Variants in HERC2 observed in about 807,000 individuals in gnomAD.
The protein encoded by HERC2 is HECT and RLD domain containing E3 ubiquitin protein ligase 2, also known as E3 ubiquitin-protein ligase HERC2.
A neutral mutation model predicts 537.7 loss-of-function variants in HERC2; 102 were observed. That is an observed-to-expected ratio of 0.19 (90% CI 0.16 to 0.22). HERC2 has a LOEUF of 0.22. Ranked by LOEUF, HERC2 falls within the 10% of genes least tolerant of loss-of-function variation. The pLI is 1.00. For missense variants in HERC2, 4,236 were observed against 6,198.2 expected, an observed-to-expected ratio of 0.68 and a Z score of 10.63; for synonymous variants, 2,224 against 2,466.2, an observed-to-expected ratio of 0.90 and a Z score of 2.91.
At chr15:28,138,158 T>C (rs1207379154) in intron 78 of HERC2, among the ~76,000 whole-genome samples, 2 of 152,216 alleles carry the variant, frequency 1.3e-5, no homozygotes, top group African/African-American at 2.4e-5. Context: ...AAAGACGCCG[T>C]CTTCATAACA....
intron 83 of HERC2, among the ~76,000 whole-genome samples, chr15:28,126,986 A>T (rs1889564912): frequency 1.3e-5 from 2 of 152,330 alleles, no homozygotes; most frequent in African/African-American, 2.4e-5. Flanking sequence ...GACCTCAACC[A>T]AGAAATACCA....
intron 52 of HERC2, among the ~76,000 whole-genome samples, chr15:28,193,125 A>G (rs994593766): frequency 3.3e-5 from 5 of 152,204 alleles, no homozygotes; most frequent in Non-Finnish European, 4.4e-5. Context: ...TACAATGTCC[A>G]GTACATAATG....
chr15:28,246,592 A>T, intron 22 of HERC2, 150 bp downstream of exon 22: 1 of 577,830 alleles, frequency 1.7e-6, no homozygotes, highest in Non-Finnish European at 2.9e-6. Flanking sequence ...CAGAACTGTC[A>T]GTAACTAAAA....
rs370398827 is a variant in HERC2, at chr15:28,133,495, G to A, written c.12231-665C>T. Among the ~76,000 whole-genome samples the A allele has an allele frequency of 1.2e-4, 19 of 152,184 alleles. 1 individual carries two copies. Among genetic ancestry groups the A allele is most frequent in the Admixed American group, 8.5e-4 (13 of 15,290 alleles). On this transcript the variant is annotated intron_variant, in intron 79 of 92. Transcript: ENST00000261609. ...TTCTTTCATGAATCATGCTTTTGGA[G>A]TTCAATCTAAAAATCTTTTCTGACC...
At chr15:28,204,875 A>C (rs936197883) in intron 45 of HERC2, among the ~76,000 whole-genome samples, 5 of 152,248 alleles carry the variant, frequency 3.3e-5, no homozygotes, top group East Asian at 1.9e-4. Context: ...ACTCACTAAC[A>C]GTGTAACAGA....
intron 2 of HERC2, among the ~76,000 whole-genome samples, chr15:28,306,343 C>T (rs562493920): frequency 1.3e-5 from 2 of 152,108 alleles, no homozygotes; most frequent in East Asian, 1.9e-4. Flanking sequence ...GTTTTTTATC[C>T]TTCATTCTAT....
rs199523105 is a variant in HERC2, at chr15:28,144,769, T to C, written c.11044A>G (p.Ile3682Val). 1.4e-5 allele frequency: 22 copies of C among 1,614,232 alleles called. No homozygotes were observed. Among genetic ancestry groups the C allele is most frequent in the East Asian group, 4.5e-5 (2 of 44,882 alleles). ...EWSDWSSELR[I>V]PGDELKWKFI... ...TTCCACTTTAACTCATCCCCTGGGA[T>C]GCGCAGCTCGCTGGACCAGTCGGAC... Residue 3682 changes from isoleucine to valine, a missense_variant, in exon 72 of 93, where the codon ATC (isoleucine) becomes GTC (valine). Physicochemically the swap from Ile to Val is conservative, Grantham distance 29 (BLOSUM62 3). Around this residue, in one of 27 missense-constraint regions of HERC2, gnomAD observed 356 missense variants for 450.9 expected, o/e 0.79. Transcript: ENST00000261609.
In HERC2 at chr15:28,142,145, T is replaced by C. The variant is rs1306923854; in HGVS notation, c.11700+93A>G. 2.8e-6 allele frequency: 4 copies of C among 1,444,538 alleles called. No individual in the cohort carries two copies. In the Admixed American group the frequency reaches 6.8e-5, roughly 25 times the overall value. 89.5% of individuals were successfully genotyped at this position (1,444,538 alleles called of 1,614,324 possible). A position where few individuals can be genotyped will look rare whatever the true frequency, so the allele number is the denominator to read the frequency against. ...CTTTGATATTCCTTGGCAAGCGAAA[T>C]TTTTCTGTGTCTCGTAATATTGGCA... On this transcript the variant is annotated intron_variant, in intron 76 of 92. Transcript: ENST00000261609.
At chr15:28,310,775 G>A (rs1356766055) in intron 2 of HERC2, among the ~76,000 whole-genome samples, 12 of 152,172 alleles carry the variant, frequency 7.9e-5, no homozygotes, top group Admixed American at 2.6e-4. Context: ...AACAGAGAAG[G>A]TGAACTAAGA....
chr15:28,265,763 C>G lies in HERC2; in HGVS notation c.1757-32G>C. ...ACAGATAGGACGGCGGTTACTAAGT[C>G]CTGTAAGAGGCCACCTCCTGCTGCA... is the stretch of plus-strand genomic sequence containing the variant. On this transcript the variant is annotated intron_variant, in intron 13 of 92. Transcript: ENST00000261609. The surrounding 1 kb of genome is among the most constrained non-coding windows in gnomAD (Gnocchi z 4.0). 1 of 1,614,078 alleles carries G rather than the reference C, an allele frequency of 6.2e-7. No individual in the cohort carries two copies.
intron 14 of HERC2, among the ~76,000 whole-genome samples, chr15:28,263,792 G>A (rs1033049958): frequency 6.6e-6 from 1 of 151,978 alleles, no homozygotes; most frequent in Non-Finnish European, 1.5e-5. Flanking sequence ...AGAACTTTGG[G>A]AGGCCAAGGC....
intron 2 of HERC2, among the ~76,000 whole-genome samples, chr15:28,306,341 T>A (rs866949462): frequency 1.3e-5 from 2 of 152,312 alleles, no homozygotes; most frequent in African/African-American, 4.8e-5. Context: ...TGGTTTTTTA[T>A]CCTTCATTCT....
intron 73 of HERC2, 34 bp downstream of exon 73, chr15:28,144,043 G>C: frequency 6.2e-7 from 1 of 1,614,152 alleles, no homozygotes; most frequent in South Asian, 1.1e-5. Context: ...CTTCCAAGCA[G>C]GAAGACAGAT....
At chr15:28,277,030 A>T (rs374173895) in intron 5 of HERC2, among the ~76,000 whole-genome samples, 3 of 152,170 alleles carry the variant, frequency 2.0e-5, no homozygotes, top group African/African-American at 7.2e-5. Context: ...AGCTATGATT[A>T]TATCACTGCA....
chr15:28,180,018 G>A (rs1447241748), intron 57 of HERC2, among the ~76,000 whole-genome samples: 1 of 152,112 alleles, frequency 6.6e-6, no homozygotes, highest in Non-Finnish European at 1.5e-5. Context: ...TGTTTCTAAA[G>A]TCTACAGTAA....
In HERC2 at chr15:28,144,062, A is replaced by G; in HGVS notation, c.11299+15T>C. ...CAAGCAGGAAGACAGATGTAACTGT[A>G]ATGGTGGCATTTACCTAGGGCACTC... On this transcript the variant is annotated intron_variant, in intron 73 of 92. Coordinates refer to ENST00000261609, the MANE Select transcript of HERC2 (RefSeq NM_004667.6). 6.2e-7 allele frequency: 1 copy of G among 1,614,144 alleles called. No individual in the cohort carries two copies.
intron 5 of HERC2, among the ~76,000 whole-genome samples, chr15:28,275,237 T>C (rs926018239): frequency 2.0e-5 from 3 of 152,228 alleles, no homozygotes; most frequent in Admixed American, 1.3e-4. Flanking sequence ...GAATTTTAAA[T>C]GTCTTGGGAA....
At chr15:28,308,858 A>G (rs1270949329) in intron 2 of HERC2, among the ~76,000 whole-genome samples, 1 of 152,234 alleles carries the variant, frequency 6.6e-6, no homozygotes, top group East Asian at 1.9e-4. Context: ...ATTGATTTGC[A>G]TATGTTGAAC....
intron 4 of HERC2, among the ~76,000 whole-genome samples, chr15:28,280,840 G>A (rs941976092): frequency 4.6e-5 from 7 of 152,054 alleles, no homozygotes; most frequent in Non-Finnish European, 1.5e-5. Flanking sequence ...AACCCAGGAG[G>A]AGGAGGTTGC....
Sources: gnomAD v4.1 joint callset for allele counts (sites outside exome capture counted in the v4.1 genomes callset) on GRCh38, gnomAD v4.1.1 for gene constraint, gnomAD v4.1.1 regional missense constraint, Gnocchi (gnomAD v3.1) non-coding constraint, MANE v1.5 for transcripts, NCBI Gene and HGNC (gene_info 2026-07-23, HGNC 2026-07-21) for gene names.